Variants in HTR3B observed in about 807,000 individuals in gnomAD.
The protein encoded by HTR3B is 5-hydroxytryptamine (serotonin) receptor 3B, ionotropic.
In HTR3B, 44 loss-of-function variants were observed where a neutral mutation model predicts 42.8. The ratio of observed to expected loss-of-function variants is 1.03; its 90% CI spans 0.81 to 1.32. The LOEUF (loss-of-function observed/expected upper bound fraction) is 1.32. HTR3B is among the 40% of genes most tolerant of loss of function. The pLI, the probability that HTR3B is intolerant of heterozygous loss-of-function variation, is 0.00. For synonymous variants in HTR3B, 203 were observed against 209.0 expected (o/e 0.97, Z 0.25); for missense variants, 527 against 536.5 (o/e 0.98, Z 0.17).
In HTR3B at chr11:113,947,895, C is replaced by T. The variant is rs1950191597; in HGVS notation, c.*1758C>T. On this transcript the variant is annotated 3_prime_UTR_variant, in exon 9 of 9. Transcript: ENST00000260191. ...TGGAGACCTGCTGACAGTCTTAACG[C>T]TGTCAGTAGAAGACACAAAAGTCCA... Among the ~76,000 whole-genome samples, 1 of 152,136 alleles carries T rather than the reference C, an allele frequency of 6.6e-6. No homozygotes were observed. Among genetic ancestry groups the T allele is most frequent in the Non-Finnish European group, 1.5e-5 (1 of 68,030 alleles).
At chr11:113,941,086 TAAATA>T (rs980455274) in intron 6 of HTR3B, among the ~76,000 whole-genome samples, 1 of 152,232 alleles carries the variant, frequency 6.6e-6, no homozygotes, top group African/African-American at 2.4e-5. Flanking sequence ...CAGCGAGGAT[TAAATA>T]AATCACACCA....
At chr11:113,930,802 A>C (rs951367386) in intron 2 of HTR3B, among the ~76,000 whole-genome samples, 4 of 152,076 alleles carry the variant, frequency 2.6e-5, no homozygotes, top group Non-Finnish European at 4.4e-5. Context: ...AGGGTTTTTT[A>C]AATTGCTGTT....
intron 2 of HTR3B, among the ~76,000 whole-genome samples, chr11:113,916,752 AC>A (rs1241545713): frequency 2.6e-5 from 4 of 152,154 alleles, no homozygotes; most frequent in Non-Finnish European, 5.9e-5. Flanking sequence ...CGTTTTGCAT[AC>A]ATTTGGTTAA....
chr11:113,916,163 G>A (rs1423289786), intron 2 of HTR3B, among the ~76,000 whole-genome samples: 1 of 152,220 alleles, frequency 6.6e-6, no homozygotes, highest in Admixed American at 6.5e-5. Context: ...AACCATTGTA[G>A]TAGGTTTGCT....
upstream of HTR3B, among the ~76,000 whole-genome samples, chr11:113,900,780 A>C (rs1340238702): frequency 6.6e-6 from 1 of 152,184 alleles, no homozygotes; most frequent in African/African-American, 2.4e-5. Flanking sequence ...ATTGACCCAT[A>C]GTTCTGCATG....
intron 2 of HTR3B, among the ~76,000 whole-genome samples, chr11:113,926,799 G>A (rs1949980741): frequency 6.6e-6 from 1 of 152,154 alleles, no homozygotes; most frequent in African/African-American, 2.4e-5. Flanking sequence ...AAAGTGCTGG[G>A]ATTACAGGCG....
At chr11:113,911,825 G>A (rs192472373) in intron 2 of HTR3B, among the ~76,000 whole-genome samples, 45 of 152,058 alleles carry the variant, frequency 3.0e-4, no homozygotes, top group African/African-American at 7.7e-4. Context: ...CACGGTGCCC[G>A]GCCATATAAC....
intron 6 of HTR3B, among the ~76,000 whole-genome samples, chr11:113,933,801 A>G (rs1377988100): frequency 6.6e-6 from 1 of 152,194 alleles, no homozygotes; most frequent in African/African-American, 2.4e-5. Context: ...CCCCTGGGAA[A>G]CTGTTTTGAC....
intron 2 of HTR3B, among the ~76,000 whole-genome samples, chr11:113,921,510 A>ATACT (rs977542728): frequency 2.6e-5 from 3 of 117,188 alleles, no homozygotes; most frequent in Non-Finnish European, 5.1e-5. Flanking sequence ...GTAGTCCCAG[A>ATACT]TGGGAGGCTG....
At position 113,932,284 on chromosome 11, in the gene HTR3B, T is replaced by C; in HGVS notation, c.369-5T>C. 1 of 1,607,512 alleles carries C rather than the reference T, an allele frequency of 6.2e-7. No homozygotes were observed. The highest frequency in any genetic ancestry group is 8.5e-7 in the Non-Finnish European group (1 of 1,175,452). On this transcript the variant is annotated splice_polypyrimidine_tract_variant and splice_region_variant and intron_variant, in intron 4 of 8. Coordinates refer to ENST00000260191, the MANE Select transcript of HTR3B (RefSeq NM_006028.5). ...TGACAACAAGTTCTCTTGTGTTTCA[T>C]ATAGTGTGGACATTGAAAGATACCC...
chr11:113,919,567 G>A (rs993985875), intron 2 of HTR3B, among the ~76,000 whole-genome samples: 4 of 152,106 alleles, frequency 2.6e-5, no homozygotes, highest in Non-Finnish European at 5.9e-5. Context: ...TGTGGCTCAC[G>A]CCTGTAATCC....
intron 2 of HTR3B, among the ~76,000 whole-genome samples, chr11:113,927,439 G>T (rs1449493720): frequency 2.0e-5 from 3 of 151,936 alleles, no homozygotes; most frequent in Non-Finnish European, 2.9e-5. Flanking sequence ...ATACTATAGA[G>T]GAAAAAATTC....
chr11:113,913,809 C>G (rs1478618453), intron 2 of HTR3B, among the ~76,000 whole-genome samples: 8 of 152,128 alleles, frequency 5.3e-5, no homozygotes, highest in Non-Finnish European at 2.9e-5. Flanking sequence ...CCACCACGCC[C>G]GGCCTCCAAA....
intron 6 of HTR3B, among the ~76,000 whole-genome samples, chr11:113,941,555 C>T (rs771314109): frequency 2.0e-5 from 3 of 152,304 alleles, no homozygotes; most frequent in East Asian, 1.9e-4. Context: ...CAGCTTCAGG[C>T]GGCCTCCACT....
chr11:113,914,102 G>A lies in HTR3B; in HGVS notation c.213+4647G>A, dbSNP rs142254541. Among the ~76,000 whole-genome samples, 557 of 151,620 alleles carry A rather than the reference G, an allele frequency of 3.7e-3. 7 individuals are homozygous for A. The highest frequency in any genetic ancestry group is 0.012 in the African/African-American group (495 of 41,336). On this transcript the variant is annotated intron_variant, in intron 2 of 8. Transcript: ENST00000260191. Reference sequence around the variant, plus strand: ...GTTTTCAGATACAGGAACAAAAAACGGACTAAGACAAAGTCCATTTCAATG... The same window carrying A: ...GTTTTCAGATACAGGAACAAAAAACAGACTAAGACAAAGTCCATTTCAATG...
At chr11:113,923,498 T>C (rs942451863) in intron 2 of HTR3B, among the ~76,000 whole-genome samples, 5 of 152,178 alleles carry the variant, frequency 3.3e-5, no homozygotes, top group Non-Finnish European at 7.3e-5. Flanking sequence ...TTCCAGTCCA[T>C]TGACTAGAGC....
At chr11:113,899,162 C>T in the HTR3B span, among the ~76,000 whole-genome samples, 1 of 152,082 alleles carries the variant, frequency 6.6e-6, no homozygotes, top group Non-Finnish European at 1.5e-5. Flanking sequence ...ACAAAAACCA[C>T]GAAAGGCCAG....
intron 6 of HTR3B, among the ~76,000 whole-genome samples, chr11:113,935,496 A>G (rs1394380678): frequency 6.6e-6 from 1 of 152,170 alleles, no homozygotes; most frequent in Non-Finnish European, 1.5e-5. Context: ...CTCAGGAGCA[A>G]TTCTGCAGCT....
chr11:113,930,411 A>G (rs1315263965), intron 2 of HTR3B, among the ~76,000 whole-genome samples: 1 of 151,588 alleles, frequency 6.6e-6, no homozygotes, highest in East Asian at 1.9e-4. Flanking sequence ...ATTCCTAAGA[A>G]CATCTGAGTT....
Sources: allele counts gnomAD v4.1 joint callset (sites outside exome capture counted in the v4.1 genomes callset), GRCh38; gene constraint gnomAD v4.1.1; transcripts MANE v1.5; gene names NCBI Gene and HGNC (gene_info 2026-07-23, HGNC 2026-07-21).